The following NIBAN2 variants were observed in gnomAD, a reference collection of about 807,000 sequenced individuals.
The protein encoded by NIBAN2 is niban apoptosis regulator 2, also known as protein Niban 2.
Under a neutral mutation model 81.8 loss-of-function variants are expected in NIBAN2, and 36 were observed. The observed-to-expected ratio is 0.44, with a 90% CI of 0.34 to 0.58. The LOEUF (loss-of-function observed/expected upper bound fraction) is 0.58, where lower values mean the gene tolerates loss of function less well. NIBAN2 is among the 20% of genes least tolerant of loss of function. The pLI is 0.02. For synonymous variants in NIBAN2, 445 were observed against 441.6 expected (o/e 1.01, Z -0.10); for missense variants, 897 against 1,014.1 (o/e 0.88, Z 1.57).
rs1202406380 is a variant in NIBAN2 at position 127,516,984 on chromosome 9, C to T, written c.846G>A (p.Gln282=). ...SDAVYHMVYE[Q]AKARFEEVLS... ...GCACCTCCTCGAAGCGCGCCTTGGCCTGCTCGTACACCATGTGGTACACGG... is the reference window on the plus strand; with the variant it reads ...GCACCTCCTCGAAGCGCGCCTTGGCTTGCTCGTACACCATGTGGTACACGG... The change falls in exon 8 of 14, where the codon CAG becomes CAA. Residue 282 remains glutamine, a synonymous_variant. Transcript: ENST00000373312. The T allele has an allele frequency of 1.2e-6, 2 of 1,614,058 alleles. No homozygotes were observed. Among genetic ancestry groups the T allele is most frequent in the Non-Finnish European group, 1.7e-6 (2 of 1,180,006 alleles).
intron 8 of NIBAN2, among the ~76,000 whole-genome samples, chr9:127,513,036 G>A (rs1444048797): frequency 3.9e-5 from 6 of 152,114 alleles, no homozygotes; most frequent in South Asian, 2.1e-4. Context: ...CTATTCAGCC[G>A]TAAAAAAGAA....
At chr9:127,538,301 C>T (rs1227333213) in intron 1 of NIBAN2, among the ~76,000 whole-genome samples, 1 of 152,110 alleles carries the variant, frequency 6.6e-6, no homozygotes. Flanking sequence ...CCAGAGTTTG[C>T]CAGGGATAGG....
chr9:127,560,256 G>A (rs569746887), intron 1 of NIBAN2, among the ~76,000 whole-genome samples: 20 of 152,262 alleles, frequency 1.3e-4, no homozygotes, highest in Admixed American at 8.5e-4. Context: ...CAACAGTCAC[G>A]TACATCAGCT....
At chr9:127,564,679 C>T (rs1837828048) in intron 1 of NIBAN2, among the ~76,000 whole-genome samples, 1 of 152,068 alleles carries the variant, frequency 6.6e-6, no homozygotes, top group African/African-American at 2.4e-5. Context: ...TCAAGACCAG[C>T]CTGGCCAACA....
intron 1 of NIBAN2, among the ~76,000 whole-genome samples, chr9:127,575,455 T>A (rs1329815652): frequency 6.6e-6 from 1 of 151,572 alleles, no homozygotes; most frequent in Non-Finnish European, 1.5e-5. Context: ...CTTGAACTCC[T>A]GACCTCGTGA....
chr9:127,526,827 G>A (rs1837075301), intron 3 of NIBAN2, among the ~76,000 whole-genome samples: 1 of 152,228 alleles, frequency 6.6e-6, no homozygotes. Flanking sequence ...GCTGTCGAGG[G>A]TGGGAGGGGT....
chr9:127,534,340 T>C (rs746038598), intron 1 of NIBAN2, among the ~76,000 whole-genome samples: 1 of 152,158 alleles, frequency 6.6e-6, no homozygotes, highest in Non-Finnish European at 1.5e-5. Flanking sequence ...TTCCATCCTC[T>C]CTATAGTTCT....
At chr9:127,520,123 G>A (rs1453779536) in intron 5 of NIBAN2, among the ~76,000 whole-genome samples, 1 of 152,126 alleles carries the variant, frequency 6.6e-6, no homozygotes. Context: ...CTCTTCCCGT[G>A]AGCCTAGCTG....
chr9:127,560,987 A>T (rs1473868865), intron 1 of NIBAN2, among the ~76,000 whole-genome samples: 4 of 152,184 alleles, frequency 2.6e-5, no homozygotes, highest in Non-Finnish European at 5.9e-5. Flanking sequence ...CCAGAGTCAC[A>T]CAGCAAGTGG....
intron 1 of NIBAN2, among the ~76,000 whole-genome samples, chr9:127,554,441 C>G (rs892030259): frequency 1.3e-5 from 2 of 152,214 alleles, no homozygotes; most frequent in Admixed American, 6.5e-5. Flanking sequence ...CTTGCAACCC[C>G]CTTGGGGCTC....
chr9:127,510,163 T>C lies in NIBAN2; in HGVS notation c.1144A>G (p.Ile382Val). 1 of 1,612,688 alleles carries C rather than the reference T, an allele frequency of 6.2e-7. No homozygotes were observed. Among genetic ancestry groups the C allele is most frequent in the Non-Finnish European group, 8.5e-7 (1 of 1,179,008 alleles). Residue 382 changes from isoleucine (I) to valine (V), a missense_variant, in exon 9 of 14, where the codon ATT becomes GTT. Physicochemically the swap from Ile to Val is conservative, Grantham distance 29. Around this residue, in one of 3 missense-constraint regions of NIBAN2, gnomAD observed 619 missense variants for 691.0 expected, o/e 0.90. Transcript: ENST00000373312. ...GGCCTCACCTCGCCCAGCTTGTCAA[T>C]GCCGCCCTCGTTGATGACGTTCAGG... is the stretch of plus-strand genomic sequence containing the variant. ...MNLNVINEGG[I>V]DKLGEYMEKL...
chr9:127,517,184 G>C lies in NIBAN2; in HGVS notation c.738C>G (p.Gly246=), dbSNP rs778574175. 2 of 1,614,012 alleles carry C rather than the reference G, an allele frequency of 1.2e-6. No individual in the cohort carries two copies. The highest frequency in any genetic ancestry group is 1.7e-6 in the Non-Finnish European group (2 of 1,179,986). ...ILSNLVMEEL[G]PELKAELGPR... ...GGCCGAGCTCTGCCTTCAGCTCAGGGCCCAGCTCCTCCATCACCAGGTTGC... is the reference window on the plus strand; with the variant it reads ...GGCCGAGCTCTGCCTTCAGCTCAGGCCCCAGCTCCTCCATCACCAGGTTGC... Residue 246 remains glycine (G), a synonymous_variant, in exon 7 of 14, where the codon GGC becomes GGG. Transcript: ENST00000373312. The surrounding 1 kb of genome is among the most constrained non-coding windows in gnomAD (Gnocchi z 4.0).
Position 127,521,465 on chromosome 9 carries a change from C to T in NIBAN2, c.589+2214G>A, listed in dbSNP as rs970825505. Among the ~76,000 whole-genome samples the T allele has an allele frequency of 6.6e-5, 10 of 152,172 alleles. No homozygotes were observed. In the East Asian group the frequency reaches 1.7e-3, roughly 26 times the overall value. ...GCACAGCCAGTGCCCCAGCTGCCTCCTGCCACCCCCAGCTGCTCCAGGAAT... is the reference window on the plus strand; with the variant it reads ...GCACAGCCAGTGCCCCAGCTGCCTCTTGCCACCCCCAGCTGCTCCAGGAAT... On this transcript the variant is annotated intron_variant, in intron 5 of 13. Transcript: ENST00000373312.
intron 1 of NIBAN2, among the ~76,000 whole-genome samples, chr9:127,564,783 G>A (rs1016570918): frequency 6.6e-6 from 1 of 151,482 alleles, no homozygotes; most frequent in Non-Finnish European, 1.5e-5. Flanking sequence ...TGAGGCAGGA[G>A]AATTGCTTGA....
intron 5 of NIBAN2, among the ~76,000 whole-genome samples, chr9:127,521,745 C>T (rs1836946503): frequency 1.3e-5 from 2 of 152,304 alleles, no homozygotes; most frequent in South Asian, 4.1e-4. Flanking sequence ...GCACAGGACA[C>T]CCCTTCATTC....
chr9:127,542,520 A>C (rs1288248953), intron 1 of NIBAN2, among the ~76,000 whole-genome samples: 1 of 152,140 alleles, frequency 6.6e-6, no homozygotes, highest in Non-Finnish European at 1.5e-5. Context: ...ACTGAGCAAT[A>C]AGCCCCCACA....
intron 1 of NIBAN2, among the ~76,000 whole-genome samples, chr9:127,555,507 G>A (rs1837651142): frequency 6.6e-6 from 1 of 152,204 alleles, no homozygotes; most frequent in Non-Finnish European, 1.5e-5. Context: ...GGCGGACCCT[G>A]GGCCTCCTGA....
intron 1 of NIBAN2, among the ~76,000 whole-genome samples, chr9:127,543,109 G>A (rs758612235): frequency 6.6e-6 from 1 of 152,226 alleles, no homozygotes; most frequent in Non-Finnish European, 1.5e-5. Flanking sequence ...TGACAGCCGT[G>A]TGACCCTGCG....
At chr9:127,577,257 G>A (rs149581571) in intron 1 of NIBAN2, among the ~76,000 whole-genome samples, 3,817 of 152,110 alleles carry the variant, frequency 0.025, 65 homozygotes, top group Non-Finnish European at 0.038. Context: ...GCAGTGAGCC[G>A]AGATTGCGCC....
Sources: allele counts gnomAD v4.1 joint callset (sites outside exome capture counted in the v4.1 genomes callset), GRCh38; gene constraint gnomAD v4.1.1; regional missense constraint gnomAD v4.1.1; non-coding constraint Gnocchi (gnomAD v3.1); transcripts MANE v1.5; gene names NCBI Gene and HGNC (gene_info 2026-07-23, HGNC 2026-07-21).